IP6K2: variants seen among roughly 807,000 people sequenced by gnomAD.
The protein encoded by IP6K2 is ATP:1D-myo-inositol-hexakisphosphate phosphotransferase.
A neutral mutation model predicts 43.3 loss-of-function variants in IP6K2; 9 were observed. That is an observed-to-expected ratio of 0.21 (90% confidence interval 0.13 to 0.36). The LOEUF (loss-of-function observed/expected upper bound fraction) is 0.36. IP6K2 is among the 10% of genes least tolerant of loss of function. The probability of loss-of-function intolerance (pLI) is 1.00; values close to 1 mark genes in which losing one functional copy is unlikely to be tolerated. For synonymous variants in IP6K2, 209 were observed against 202.4 expected (o/e 1.03, Z -0.28); for missense variants, 332 against 538.4 (o/e 0.62, Z 3.79).
intron 1 of IP6K2, among the ~76,000 whole-genome samples, chr3:48,709,035 C>T (rs1366929679): frequency 6.6e-6 from 1 of 152,214 alleles, no homozygotes; most frequent in Non-Finnish European, 1.5e-5. Context: ...TACCACCATA[C>T]TCCAGCCCGG....
intron 1 of IP6K2, among the ~76,000 whole-genome samples, chr3:48,714,418 A>T (rs2107109176): frequency 6.6e-6 from 1 of 150,964 alleles, no homozygotes; most frequent in East Asian, 2.0e-4. Context: ...TTTGAGATGG[A>T]GTCTCACTCT....
At chr3:48,694,442 C>A (rs540170230) in intron 2 of IP6K2, 2 of 1,548,618 alleles carry the variant, frequency 1.3e-6, no homozygotes, top group East Asian at 2.4e-5. Flanking sequence ...AAATTAATTT[C>A]TTTAATGGAT....
At chr3:48,700,982 G>T (rs1301405537) in intron 1 of IP6K2, among the ~76,000 whole-genome samples, 2 of 152,200 alleles carry the variant, frequency 1.3e-5, no homozygotes, top group African/African-American at 4.8e-5. Flanking sequence ...GCAATGCAAA[G>T]CCACTTTGGA....
intron 1 of IP6K2, among the ~76,000 whole-genome samples, chr3:48,713,599 ACACT>A (rs1419802103): frequency 6.6e-6 from 1 of 152,226 alleles, no homozygotes; most frequent in African/African-American, 2.4e-5. Flanking sequence ...TTGGGATTAG[ACACT>A]CAATTTCGAA....
Position 48,693,192 on chromosome 3 carries a change from G to A in IP6K2, c.203-13C>T, listed in dbSNP as rs553908043. On this transcript the variant is annotated splice_polypyrimidine_tract_variant and intron_variant, in intron 2 of 5. Transcript: ENST00000328631. Reference sequence around the variant, plus strand: ...ACAGATACCACACCTGGAAGGGGGTGAGGAGCAGAAAGAACTTTTAATTTA... The same window carrying A: ...ACAGATACCACACCTGGAAGGGGGTAAGGAGCAGAAAGAACTTTTAATTTA... 13 of 1,599,984 alleles carry A rather than the reference G, an allele frequency of 8.1e-6. No individual in the cohort carries two copies. The highest frequency in any genetic ancestry group is 2.2e-5 in the East Asian group (1 of 44,810).
intron 1 of IP6K2, among the ~76,000 whole-genome samples, chr3:48,714,912 T>C (rs182745745): frequency 5.9e-4 from 88 of 149,634 alleles, no homozygotes; most frequent in Non-Finnish European, 7.2e-4. Flanking sequence ...TGAAACAAGA[T>C]TGGCCAGGAA....
chr3:48,702,805 TG>T (rs2079215227), intron 1 of IP6K2, among the ~76,000 whole-genome samples: 2 of 152,254 alleles, frequency 1.3e-5, no homozygotes, highest in South Asian at 4.1e-4. Context: ...GTCAGATTTT[TG>T]ACTGCAGTAT....
chr3:48,700,775 C>T (rs1441841818), intron 1 of IP6K2, among the ~76,000 whole-genome samples: 2 of 152,170 alleles, frequency 1.3e-5, no homozygotes, highest in African/African-American at 4.8e-5. Context: ...ACTGGGGCTA[C>T]TTACTCTGGC....
At chr3:48,691,117 C>T (rs2077746448) in intron 4 of IP6K2, among the ~76,000 whole-genome samples, 190 bp downstream of exon 4, 1 of 152,214 alleles carries the variant, frequency 6.6e-6, no homozygotes, top group Non-Finnish European at 1.5e-5. Flanking sequence ...ATCTGCACTC[C>T]TAGGCCAGTA....
chr3:48,693,992 AACGACT>A, intron 2 of IP6K2: 1 of 1,361,454 alleles, frequency 7.3e-7, no homozygotes, highest in Non-Finnish European at 9.5e-7. Context: ...GCGCCTTACA[AACGACT>A]GGCTGAACAC....
intron 3 of IP6K2, among the ~76,000 whole-genome samples, chr3:48,691,803 AAAATAAATAAAT>A (rs34837885): frequency 2.7e-4 from 40 of 150,520 alleles, no homozygotes; most frequent in East Asian, 1.7e-3. Flanking sequence ...AAAGACTCAA[AAAATAAATAAAT>A]AAATAAATAA....
rs139541330 is a variant in IP6K2, at chr3:48,695,573, TCTCC to T, written c.-130-156_-130-153del. Reference sequence around the variant, plus strand: ...ATGCCACCCACCTTGGCCCCCGCCTTCTCCGGCAGAAAAACAAAAACACTATGAG... The same window carrying T: ...ATGCCACCCACCTTGGCCCCCGCCTTGGCAGAAAAACAAAAACACTATGAG... On this transcript the variant is annotated intron_variant, in intron 1 of 5. Transcript: ENST00000328631. The surrounding 1 kb of genome is among the most constrained non-coding windows in gnomAD (Gnocchi z 4.6). 2.7e-3 allele frequency: 2,848 copies of T among 1,072,332 alleles called. 51 individuals carry two copies. The African/African-American group carries it at 0.042, about 16-fold the overall frequency. 66.4% of individuals were successfully genotyped at this position (1,072,332 alleles called of 1,614,324 possible). A position where few individuals can be genotyped will look rare whatever the true frequency, so the allele number is the denominator to read the frequency against.
At chr3:48,706,044 A>G (rs1473473654) in intron 1 of IP6K2, among the ~76,000 whole-genome samples, 1 of 84,560 alleles carries the variant, frequency 1.2e-5, no homozygotes, top group East Asian at 2.5e-3. Flanking sequence ...TGTCTCTACT[A>G]AAAATACAAA....
chr3:48,699,876 T>G (rs1575659910), intron 1 of IP6K2: 1 of 152,092 alleles, frequency 6.6e-6, no homozygotes, highest in South Asian at 2.1e-4. Flanking sequence ...AGTAGTTTTT[T>G]AAAAAAATTA....
chr3:48,714,903 G>C (rs2081027201), intron 1 of IP6K2, among the ~76,000 whole-genome samples: 1 of 148,438 alleles, frequency 6.7e-6, no homozygotes, highest in Non-Finnish European at 1.5e-5. Flanking sequence ...CAGTGTAGAT[G>C]AAACAAGATT....
chr3:48,695,616 G>T lies in IP6K2; in HGVS notation c.-130-195C>A. ...AAACACTATGAGCTCATGGGGCGGG[G>T]TTAGATGCAGACAGGCAGGGAATGG... On this transcript the variant is annotated intron_variant, in intron 1 of 5. Transcript: ENST00000328631. The surrounding 1 kb of genome is among the most constrained non-coding windows in gnomAD (Gnocchi z 4.6). The T allele has an allele frequency of 3.3e-6, 2 of 600,134 alleles. No homozygotes were observed. Among genetic ancestry groups the T allele is most frequent in the Non-Finnish European group, 4.9e-6 (2 of 407,436 alleles). The allele number at this position is 600,134 out of a possible 1,614,324, so 37.2% of individuals were successfully genotyped here.
rs2081185716 is a variant in IP6K2 at position 48,716,307 on chromosome 3, A to G, written c.-131+850T>C. 2 of 152,206 alleles carry G rather than the reference A, an allele frequency of 1.3e-5. 1 individual carries two copies. Among genetic ancestry groups the G allele is most frequent in the South Asian group, 4.1e-4 (2 of 4,834 alleles). 9.4% of individuals were successfully genotyped at this position (152,206 alleles called of 1,614,324 possible). A position where few individuals can be genotyped will look rare whatever the true frequency, so the allele number is the denominator to read the frequency against. ...GTACTTTTTCTTAAAACTATTCAAG[A>G]TGATTTTTTGTTCTGTGTACATTCT... On this transcript the variant is annotated intron_variant, in intron 1 of 5. Transcript: ENST00000328631.
intron 2 of IP6K2, 189 bp from the exon 3 acceptor site, chr3:48,693,368 C>T (rs1417791040): frequency 2.6e-6 from 3 of 1,142,206 alleles, no homozygotes; most frequent in Non-Finnish European, 4.0e-6. Flanking sequence ...ACAAGACAAG[C>T]AATTAGGGAG....
At chr3:48,690,204 G>C (rs2077644641) in intron 4 of IP6K2, among the ~76,000 whole-genome samples, 1 of 152,206 alleles carries the variant, frequency 6.6e-6, no homozygotes, top group African/African-American at 2.4e-5. Context: ...AGTGTCTCTG[G>C]TGCACAGACC....
Sources: allele counts gnomAD v4.1 joint callset (sites outside exome capture counted in the v4.1 genomes callset), GRCh38; gene constraint gnomAD v4.1.1; non-coding constraint Gnocchi (gnomAD v3.1); transcripts MANE v1.5; gene names NCBI Gene and HGNC (gene_info 2026-07-23, HGNC 2026-07-21).